ZMYND11: variants seen among roughly 807,000 people sequenced by gnomAD.
ZMYND11 encodes the protein zinc finger MYND-type containing 11, also known as zinc finger MYND domain-containing protein 11.
In ZMYND11, 9 loss-of-function variants were observed where a neutral mutation model predicts 84.9. That is an observed-to-expected ratio of 0.11 (90% CI 0.06 to 0.18). The LOEUF (loss-of-function observed/expected upper bound fraction) is 0.18, where lower values mean the gene tolerates loss of function less well. Among genes scored for constraint, ZMYND11 ranks in the 10% least tolerant of loss-of-function variants. The pLI, the probability that ZMYND11 is intolerant of heterozygous loss-of-function variation, is 1.00. For synonymous variants in ZMYND11, 250 were observed against 244.1 expected, an observed-to-expected ratio of 1.02 and a Z score of -0.23; for missense variants, 409 against 761.0, an observed-to-expected ratio of 0.54 and a Z score of 5.44.
At chr10:163,588 T>C (rs1360917978) in intron 1 of ZMYND11, among the ~76,000 whole-genome samples, 3 of 152,202 alleles carry the variant, frequency 2.0e-5, no homozygotes, top group Non-Finnish European at 4.4e-5. Flanking sequence ...ATAGATAAAA[T>C]TCTATTTCTA....
chr10:247,275 G>T, intron 11 of ZMYND11, 123 bp from the exon 12 acceptor site: 1 of 1,135,876 alleles, frequency 8.8e-7, no homozygotes, highest in Non-Finnish European at 1.3e-6. Context: ...TAACTGAGTG[G>T]ATGGAAGGAT....
At chr10:191,324 G>A (rs961564988) in intron 2 of ZMYND11, among the ~76,000 whole-genome samples, 1 of 152,046 alleles carries the variant, frequency 6.6e-6, no homozygotes, top group Non-Finnish European at 1.5e-5. Flanking sequence ...GTTTCCTTCC[G>A]GCATTTTTTA....
chr10:242,211 C>A, intron 10 of ZMYND11, 72 bp downstream of exon 10: 3 of 1,553,344 alleles, frequency 1.9e-6, no homozygotes, highest in South Asian at 2.5e-5. Flanking sequence ...GATGATTTCT[C>A]CATCAGAGAT....
intron 1 of ZMYND11, 106 bp from the exon 2 acceptor site, chr10:179,888 C>G (rs967384471): frequency 1.7e-6 from 1 of 588,118 alleles, no homozygotes; most frequent in African/African-American, 1.9e-5. Context: ...ATACTACATA[C>G]TAAGTATAAT....
chr10:201,306 G>C (rs77773072), intron 2 of ZMYND11, among the ~76,000 whole-genome samples: 3,522 of 152,270 alleles, frequency 0.023, 135 homozygotes, highest in African/African-American at 0.079. Flanking sequence ...TGAGGGACAA[G>C]AAGACATCAC....
intron 4 of ZMYND11, among the ~76,000 whole-genome samples, chr10:235,778 G>C (rs1285755241): frequency 1.3e-5 from 2 of 152,224 alleles, no homozygotes; most frequent in African/African-American, 2.4e-5. Flanking sequence ...GGGTCAGGAA[G>C]GTGCAGTGCA....
chr10:229,726 G>A (rs1948685395), intron 4 of ZMYND11, among the ~76,000 whole-genome samples: 1 of 152,118 alleles, frequency 6.6e-6, no homozygotes, highest in African/African-American at 2.4e-5. Context: ...TTCACTGATG[G>A]GCTACTTGAG....
chr10:136,940 C>T (rs1274421806), intron 1 of ZMYND11, among the ~76,000 whole-genome samples: 2 of 152,118 alleles, frequency 1.3e-5, no homozygotes, highest in African/African-American at 2.4e-5. Context: ...TATATAGTAT[C>T]TGGTGTCATA....
At chr10:191,720 AAAAT>A (rs1392308451) in intron 2 of ZMYND11, among the ~76,000 whole-genome samples, 3 of 152,244 alleles carry the variant, frequency 2.0e-5, no homozygotes, top group African/African-American at 7.2e-5. Flanking sequence ...AGAAAACAGA[AAAAT>A]AACCCTCTGT....
At chr10:149,431 C>T (rs1554756364) in intron 1 of ZMYND11, among the ~76,000 whole-genome samples, 1 of 151,860 alleles carries the variant, frequency 6.6e-6, no homozygotes, top group South Asian at 2.1e-4. Flanking sequence ...CTGCATCAGC[C>T]TCCCAAGTAG....
At chr10:133,245 G>C (rs1835366808), upstream of ZMYND11, among the ~76,000 whole-genome samples, 2 of 152,194 alleles carry the variant, frequency 1.3e-5, no homozygotes, top group East Asian at 3.8e-4. Context: ...TACGTTGTTT[G>C]AATGTGTCAT....
intron 1 of ZMYND11, among the ~76,000 whole-genome samples, chr10:172,225 G>T (rs560510387): frequency 6.6e-6 from 1 of 152,048 alleles, no homozygotes; most frequent in African/African-American, 2.4e-5. Flanking sequence ...TTGGAGAAAC[G>T]AAAACATTCA....
In ZMYND11 at chr10:209,849, T is replaced by A. The variant is rs370963856; in HGVS notation, c.117-40T>A. 8 of 1,573,426 alleles carry A rather than the reference T, an allele frequency of 5.1e-6. No homozygotes were observed. The African/African-American group carries it at 9.5e-5, about 19-fold the overall frequency. ...ATTTTCATTCATTTTTAGTTTTCAGTACTGAAAGATTTTTAAATTTGTTTT... is the reference window on the plus strand; with the variant it reads ...ATTTTCATTCATTTTTAGTTTTCAGAACTGAAAGATTTTTAAATTTGTTTT... On this transcript the variant is annotated intron_variant, in intron 2 of 14. Coordinates refer to ENST00000381604, the MANE Select transcript of ZMYND11 (RefSeq NM_001370100.5).
rs1169532759 is a variant in ZMYND11, at chr10:145,146, GTA to G, written c.-20+9597_-20+9598del. On this transcript the variant is annotated intron_variant, in intron 1 of 14. Coordinates refer to ENST00000381604, the MANE Select transcript of ZMYND11 (RefSeq NM_001370100.5). ...CTGAGAGTATTCCATATATATATGT[GTA>G]TATATATATGTGTGTGTATATATAT... is the stretch of plus-strand genomic sequence containing the variant. Among the ~76,000 whole-genome samples the G allele has an allele frequency of 1.8e-3, 274 of 149,666 alleles. 2 individuals carry two copies. Among genetic ancestry groups the G allele is most frequent in the African/African-American group, 6.3e-3 (255 of 40,638 alleles).
At chr10:166,311 G>T (rs1554763818) in intron 1 of ZMYND11, among the ~76,000 whole-genome samples, 1 of 152,080 alleles carries the variant, frequency 6.6e-6, no homozygotes, top group African/African-American at 2.4e-5. Context: ...CGTAAAGACG[G>T]TCTACAGAAT....
At chr10:165,235 T>A (rs1843721711) in intron 1 of ZMYND11, among the ~76,000 whole-genome samples, 1 of 152,134 alleles carries the variant, frequency 6.6e-6, no homozygotes, top group African/African-American at 2.4e-5. Flanking sequence ...TTTCAGTTCT[T>A]TCTGCTTTTT....
At chr10:243,143 C>G (rs1199591385) in intron 10 of ZMYND11, among the ~76,000 whole-genome samples, 2 of 152,098 alleles carry the variant, frequency 1.3e-5, no homozygotes, top group African/African-American at 2.4e-5. Flanking sequence ...GTCTTCTACC[C>G]TAATCTTGAT....
At chr10:187,871 T>C (rs568993842) in intron 2 of ZMYND11, among the ~76,000 whole-genome samples, 31 of 152,216 alleles carry the variant, frequency 2.0e-4, no homozygotes, top group Middle Eastern at 3.2e-3. Flanking sequence ...CACAAATAAA[T>C]TTTGGCCTAT....
intron 4 of ZMYND11, among the ~76,000 whole-genome samples, chr10:233,653 C>T (rs907977754): frequency 6.6e-6 from 1 of 152,160 alleles, no homozygotes; most frequent in African/African-American, 2.4e-5. Flanking sequence ...TGTTTCCTTT[C>T]ATGCTTTACT....
Sources: allele counts gnomAD v4.1 joint callset (sites outside exome capture counted in the v4.1 genomes callset), GRCh38; gene constraint gnomAD v4.1.1; transcripts MANE v1.5; gene names NCBI Gene and HGNC (gene_info 2026-07-23, HGNC 2026-07-21).